The following CALCR variants were observed in gnomAD, a reference collection of about 807,000 sequenced individuals.
The protein encoded by CALCR is calcitonin receptor.
A neutral mutation model predicts 59.5 loss-of-function variants in CALCR; 47 were observed. The observed-to-expected ratio is 0.79, with a 90% CI of 0.63 to 1.01. The LOEUF is 1.01. CALCR is among the 50% of genes least tolerant of loss of function. CALCR has a pLI of 0.00. For synonymous variants in CALCR, 213 were observed against 211.3 expected (o/e 1.01, Z -0.07); for missense variants, 566 against 597.1 (o/e 0.95, Z 0.54).
At chr7:93,503,009 G>A (rs1801352012) in intron 2 of CALCR, among the ~76,000 whole-genome samples, 2 of 151,998 alleles carry the variant, frequency 1.3e-5, no homozygotes, top group South Asian at 4.1e-4. Flanking sequence ...TATTGTTACT[G>A]TAATTTTGCA....
At chr7:93,486,140 A>G (rs1800938883) in intron 3 of CALCR, among the ~76,000 whole-genome samples, 1 of 151,554 alleles carries the variant, frequency 6.6e-6, no homozygotes, top group African/African-American at 2.4e-5. Flanking sequence ...ACTGTAATTT[A>G]TTAGCAAATG....
At chr7:93,430,788 C>T (rs1799642537) in intron 13 of CALCR, among the ~76,000 whole-genome samples, 1 of 152,164 alleles carries the variant, frequency 6.6e-6, no homozygotes, top group African/African-American at 2.4e-5. Flanking sequence ...GAAACTGCTG[C>T]TGGGGCCAAG....
At chr7:93,465,593 T>C (rs925939881) in intron 7 of CALCR, among the ~76,000 whole-genome samples, 4 of 151,990 alleles carry the variant, frequency 2.6e-5, no homozygotes, top group African/African-American at 4.8e-5. Flanking sequence ...TTGTTAATGC[T>C]GACTTTTCCA....
At chr7:93,574,116 A>G (rs1482665184) in intron 2 of CALCR, among the ~76,000 whole-genome samples, 173 bp downstream of exon 2, 2 of 152,328 alleles carry the variant, frequency 1.3e-5, no homozygotes, top group Admixed American at 6.5e-5. Context: ...TTTCTTTGAC[A>G]AGGGTAAAGT....
At chr7:93,564,755 A>T (rs1264926021) in intron 2 of CALCR, among the ~76,000 whole-genome samples, 1 of 147,212 alleles carries the variant, frequency 6.8e-6, no homozygotes. Flanking sequence ...CACCCAGCCA[A>T]TTTTTTTTTT....
In CALCR at chr7:93,461,010, AC is replaced by A. The variant is rs200224871; in HGVS notation, c.522-64del. ...AAAATGTTGGAGTACCTGGAAAAAAACATTTTGGTAATATTTTTCATATTTT... is the reference window on the plus strand; with the variant it reads ...AAAATGTTGGAGTACCTGGAAAAAAAATTTTGGTAATATTTTTCATATTTT... On this transcript the variant is annotated intron_variant, in intron 7 of 13. Transcript: ENST00000426151. The A allele has an allele frequency of 5.5e-3, 7,433 of 1,349,450 alleles. 247 individuals are homozygous for A. The South Asian group carries it at 0.062, about 11-fold the overall frequency. 83.6% of individuals were successfully genotyped at this position (1,349,450 alleles called of 1,614,324 possible).
At chr7:93,480,419 T>C (rs1215505371) in intron 3 of CALCR, among the ~76,000 whole-genome samples, 2 of 151,872 alleles carry the variant, frequency 1.3e-5, no homozygotes, top group Admixed American at 6.6e-5. Context: ...AACATCAGCC[T>C]GCACTGACTT....
Position 93,503,519 on chromosome 7 carries a change from A to G in CALCR, c.-26-16512T>C, listed in dbSNP as rs146491995. Among the ~76,000 whole-genome samples the G allele has an allele frequency of 4.7e-3, 722 of 152,246 alleles. 6 individuals carry two copies. The highest frequency in any genetic ancestry group is 0.017 in the African/African-American group (692 of 41,558). ...GAACCTCTCCAGATGGTGGGATTGA[A>G]AGTGATTGATTTGATTTGATTTGAT... is the stretch of plus-strand genomic sequence containing the variant. On this transcript the variant is annotated intron_variant, in intron 2 of 13. Coordinates refer to ENST00000426151, the MANE Select transcript of CALCR (RefSeq NM_001742.4).
Position 93,547,090 on chromosome 7 carries a change from A to C in CALCR, c.-27+27199T>G, listed in dbSNP as rs373876209. Among the ~76,000 whole-genome samples the C allele has an allele frequency of 2.6e-5, 4 of 152,296 alleles. No individual in the cohort carries two copies. In the East Asian group the frequency reaches 7.7e-4, roughly 29 times the overall value. On this transcript the variant is annotated intron_variant, in intron 2 of 13. Coordinates refer to ENST00000426151, the MANE Select transcript of CALCR (RefSeq NM_001742.4). Reference sequence around the variant, plus strand: ...CTGACTCTAGCAAATGCCAAAAAGCAAGGAAAAAGACCCTTGATCTCATGG... The same window carrying C: ...CTGACTCTAGCAAATGCCAAAAAGCCAGGAAAAAGACCCTTGATCTCATGG...
chr7:93,525,202 C>T (rs1281293007), intron 2 of CALCR, among the ~76,000 whole-genome samples: 1 of 152,090 alleles, frequency 6.6e-6, no homozygotes, highest in South Asian at 2.1e-4. Context: ...TTCCTATCTT[C>T]CCTTGGTTCT....
intron 2 of CALCR, among the ~76,000 whole-genome samples, chr7:93,503,368 A>G (rs774734782): frequency 4.6e-5 from 7 of 152,034 alleles, no homozygotes; most frequent in Non-Finnish European, 8.8e-5. Flanking sequence ...TCATGAATAC[A>G]TATGCTTTTT....
chr7:93,517,327 C>T (rs1183101992), intron 2 of CALCR, among the ~76,000 whole-genome samples: 1 of 121,180 alleles, frequency 8.3e-6, no homozygotes, highest in East Asian at 3.5e-4. Flanking sequence ...ATTTGCTAGC[C>T]ATATGGCCTT....
chr7:93,451,382 T>C (rs766726137), intron 8 of CALCR, among the ~76,000 whole-genome samples: 1 of 152,022 alleles, frequency 6.6e-6, no homozygotes, highest in Non-Finnish European at 1.5e-5. Flanking sequence ...ATGTATGCAA[T>C]TGAATACTTT....
At chr7:93,493,138 T>G (rs1482860183) in intron 2 of CALCR, among the ~76,000 whole-genome samples, 5 of 151,378 alleles carry the variant, frequency 3.3e-5, no homozygotes, top group Non-Finnish European at 5.9e-5. Flanking sequence ...AAGAATTATT[T>G]TTTAGATAGC....
chr7:93,509,829 G>C (rs1419983230), intron 2 of CALCR, among the ~76,000 whole-genome samples: 2 of 151,864 alleles, frequency 1.3e-5, no homozygotes, highest in Non-Finnish European at 2.9e-5. Flanking sequence ...AAATTCCTAT[G>C]GTAAAATTAG....
At position 93,448,203 on chromosome 7, in the gene CALCR, A is replaced by C. The variant is rs559219765; in HGVS notation, c.649-4446T>G. The stretch of plus-strand genomic sequence containing the variant: ...CTCTTAGCTTTCACACACACACACA[A>C]AAAACTACTGCAATTTCTCCCTCTC... On this transcript the variant is annotated intron_variant, in intron 8 of 13. Transcript: ENST00000426151. 4.3e-4 allele frequency among the ~76,000 whole-genome samples: 65 copies of C among 152,112 alleles called. 1 individual carries two copies. Among genetic ancestry groups the C allele is most frequent in the East Asian group, 9.7e-4 (5 of 5,154 alleles).
At chr7:93,525,335 T>C (rs1437752658) in intron 2 of CALCR, among the ~76,000 whole-genome samples, 1 of 152,188 alleles carries the variant, frequency 6.6e-6, no homozygotes, top group Non-Finnish European at 1.5e-5. Flanking sequence ...AGAGTCTGGC[T>C]TTGGTGTAAC....
chr7:93,426,476 A>G lies in CALCR; in HGVS notation c.1305T>C (p.Ala435=), dbSNP rs765363079. 3.7e-6 allele frequency: 6 copies of G among 1,613,786 alleles called. No homozygotes were observed. The South Asian group carries it at 6.6e-5, about 18-fold the overall frequency. Residue 435 remains alanine (A), a synonymous_variant, in exon 14 of 14, where the codon GCT becomes GCC. Transcript: ENST00000426151. ...SARAAAAAAE[A]GDIPIYICHQ... is the part of the protein sequence containing the mutation. ...GGCAGATGTAAATTGGGATGTCGCCAGCCTCCGCAGCAGCGGCTGCAGCGC... is the reference window on the plus strand; with the variant it reads ...GGCAGATGTAAATTGGGATGTCGCCGGCCTCCGCAGCAGCGGCTGCAGCGC...
chr7:93,510,458 T>C (rs553335897), intron 2 of CALCR, among the ~76,000 whole-genome samples: 105 of 152,288 alleles, frequency 6.9e-4, no homozygotes, highest in Admixed American at 8.5e-4. Context: ...TAGCAAAGCT[T>C]TCCCAAAGGA....
Sources: allele counts gnomAD v4.1 joint callset (sites outside exome capture counted in the v4.1 genomes callset), GRCh38; gene constraint gnomAD v4.1.1; transcripts MANE v1.5; gene names NCBI Gene and HGNC (gene_info 2026-07-23, HGNC 2026-07-21).